Variants in SSX2IP observed in about 807,000 individuals in gnomAD.
SSX2IP encodes the protein SSX family member 2 interacting protein, also known as afadin- and alpha-actinin-binding protein.
Under a neutral mutation model 84.9 loss-of-function variants are expected in SSX2IP, and 55 were observed. The observed-to-expected ratio is 0.65, with a 90% confidence interval of 0.52 to 0.81. The LOEUF is 0.81. Ranked by LOEUF, SSX2IP falls within the 30% of genes least tolerant of loss-of-function variation. SSX2IP has a pLI of 0.00. For missense variants in SSX2IP, 664 were observed against 705.2 expected (o/e 0.94, Z 0.66); for synonymous variants, 239 against 234.7 (o/e 1.02, Z -0.17).
At chr1:84,671,097 C>T in intron 2 of SSX2IP, 80 bp downstream of exon 2, 1 of 1,495,010 alleles carries the variant, frequency 6.7e-7, no homozygotes, top group Admixed American at 2.0e-5. Context: ...TCAACATCTG[C>T]AGTAATTATT....
intron 5 of SSX2IP, among the ~76,000 whole-genome samples, chr1:84,665,482 C>G (rs563731842): frequency 6.6e-6 from 1 of 152,124 alleles, no homozygotes; most frequent in Non-Finnish European, 1.5e-5. Context: ...ATAGTTATTA[C>G]ATGGTCAGGG....
chr1:84,648,264 C>T (rs1225565091), intron 13 of SSX2IP, among the ~76,000 whole-genome samples: 1 of 152,098 alleles, frequency 6.6e-6, no homozygotes, highest in Admixed American at 6.5e-5. Flanking sequence ...CACAGCTTCT[C>T]TATTAGTTAT....
Position 84,646,822 on chromosome 1 carries a change from T to C in SSX2IP, c.*611A>G, listed in dbSNP as rs919803308. ...CTTAAATGTAATGCATCAATGGTCC[T>C]AATACATCTGTAAACAGAATACCAC... On this transcript the variant is annotated 3_prime_UTR_variant, in exon 14 of 14. Coordinates refer to ENST00000342203, the MANE Select transcript of SSX2IP (RefSeq NM_001166293.2). The C allele has an allele frequency of 2.0e-5, 3 of 152,590 alleles. No individual in the cohort carries two copies. The highest frequency in any genetic ancestry group is 7.2e-5 in the African/African-American group (3 of 41,462). The allele number at this position is 152,590 out of a possible 1,614,324, so 9.5% of individuals were successfully genotyped here.
chr1:84,689,189 G>A (rs1271191569), intron 1 of SSX2IP, among the ~76,000 whole-genome samples: 1 of 152,092 alleles, frequency 6.6e-6, no homozygotes, highest in African/African-American at 2.4e-5. Flanking sequence ...ATAGCTTGAC[G>A]TGAACTTTAA....
Position 84,683,269 on chromosome 1 carries a change from C to T in SSX2IP, c.-90+7102G>A, listed in dbSNP as rs1349321963. 2.1e-4 allele frequency among the ~76,000 whole-genome samples: 32 copies of T among 151,762 alleles called. 2 individuals carry two copies. The highest frequency in any genetic ancestry group is 2.1e-3 in the Admixed American group (32 of 15,230). ...TTAGTTATTTGTCCTAATGCTCTTC[C>T]TCCCCTCAAGCTGCTTTTTCAAACC... On this transcript the variant is annotated intron_variant, in intron 1 of 13. Coordinates refer to ENST00000342203, the MANE Select transcript of SSX2IP (RefSeq NM_001166293.2).
chr1:84,680,557 G>T (rs1654936080), intron 1 of SSX2IP, among the ~76,000 whole-genome samples: 1 of 152,020 alleles, frequency 6.6e-6, no homozygotes, highest in Non-Finnish European at 1.5e-5. Flanking sequence ...GCTATTATTA[G>T]CTATTTTACT....
intron 13 of SSX2IP, chr1:84,649,995 T>C (rs750675347): frequency 1.6e-6 from 1 of 619,626 alleles, no homozygotes; most frequent in Admixed American, 1.9e-5. Flanking sequence ...TGTTAAGATA[T>C]GTACTCTACA....
chr1:84,656,626 T>C (rs1162641167), intron 9 of SSX2IP, 142 bp from the exon 10 acceptor site: 1 of 600,028 alleles, frequency 1.7e-6, no homozygotes, highest in Non-Finnish European at 2.5e-6. Flanking sequence ...AGTTACGTCC[T>C]TTGACTTTTT....
rs1654069778 is a variant in SSX2IP at position 84,674,676 on chromosome 1, A to T, written c.-89-3368T>A. Among the ~76,000 whole-genome samples the T allele has an allele frequency of 2.6e-5, 4 of 152,190 alleles. No homozygotes were observed. The South Asian group carries it at 8.3e-4, about 32-fold the overall frequency. On this transcript the variant is annotated intron_variant, in intron 1 of 13. Coordinates refer to ENST00000342203, the MANE Select transcript of SSX2IP (RefSeq NM_001166293.2). ...GCGAATTTGGCTCTCCTGTCTATAG[A>T]TTAGACAGTGAATTGTTCCCTGCCC...
chr1:84,651,266 C>A (rs570094173), intron 12 of SSX2IP, among the ~76,000 whole-genome samples: 1 of 151,764 alleles, frequency 6.6e-6, no homozygotes, highest in Non-Finnish European at 1.5e-5. Flanking sequence ...TGCAGAGAGC[C>A]GAGATGCACT....
At chr1:84,666,983 A>G (rs913957708) in intron 4 of SSX2IP, among the ~76,000 whole-genome samples, 3 of 152,168 alleles carry the variant, frequency 2.0e-5, no homozygotes, top group Non-Finnish European at 4.4e-5. Context: ...TTTCTGTAAG[A>G]ACAGATCTCA....
At chr1:84,677,656 GGTT>G (rs372198313) in intron 1 of SSX2IP, among the ~76,000 whole-genome samples, 72 of 152,260 alleles carry the variant, frequency 4.7e-4, no homozygotes, top group African/African-American at 1.7e-3. Flanking sequence ...TTCCATTTAA[GGTT>G]GTTTTTTTAC....
At position 84,675,876 on chromosome 1, in the gene SSX2IP, C is replaced by G. The variant is rs375120488; in HGVS notation, c.-89-4568G>C. Among the ~76,000 whole-genome samples the G allele has an allele frequency of 8.5e-5, 13 of 152,272 alleles. No individual in the cohort carries two copies. The East Asian group carries it at 2.5e-3, about 29-fold the overall frequency. ...CCTGGGTCCTGGAAGCCCCTGCCCC[C>G]CTTTCCCTTCCACTTCAAGTTGTCC... On this transcript the variant is annotated intron_variant, in intron 1 of 13. Transcript: ENST00000342203.
At position 84,682,633 on chromosome 1, in the gene SSX2IP, T is replaced by C. The variant is rs896860887; in HGVS notation, c.-90+7738A>G. 2.6e-5 allele frequency among the ~76,000 whole-genome samples: 4 copies of C among 151,706 alleles called. No individual in the cohort carries two copies. The East Asian group carries it at 7.8e-4, about 29-fold the overall frequency. ...AATTCTCCTGCCTTGACCTCCCGAG[T>C]AGCTGGGACTACAGGCGCATGCCAC... On this transcript the variant is annotated intron_variant, in intron 1 of 13. Coordinates refer to ENST00000342203, the MANE Select transcript of SSX2IP (RefSeq NM_001166293.2).
At chr1:84,670,923 G>A in intron 2 of SSX2IP, 108 bp from the exon 3 acceptor site, 1 of 828,722 alleles carries the variant, frequency 1.2e-6, no homozygotes, top group Non-Finnish European at 1.8e-6. Context: ...TATAAACATA[G>A]ATATAATATA....
At chr1:84,675,568 C>A (rs1212013647) in intron 1 of SSX2IP, among the ~76,000 whole-genome samples, 1 of 152,144 alleles carries the variant, frequency 6.6e-6, no homozygotes, top group Non-Finnish European at 1.5e-5. Flanking sequence ...AAGGTTTTTA[C>A]CCTAAAACAG....
In SSX2IP at chr1:84,669,667, T is replaced by G; in HGVS notation, c.426+14A>C. On this transcript the variant is annotated intron_variant, in intron 4 of 13. Coordinates refer to ENST00000342203, the MANE Select transcript of SSX2IP (RefSeq NM_001166293.2). ...TATAATTATGGCATTAAAATATGGATCTGCAATTTCTACCTTAAGTTTTGA... is the reference window on the plus strand; with the variant it reads ...TATAATTATGGCATTAAAATATGGAGCTGCAATTTCTACCTTAAGTTTTGA... 1 of 1,597,900 alleles carries G rather than the reference T, an allele frequency of 6.3e-7. No individual in the cohort carries two copies. The highest frequency in any genetic ancestry group is 8.6e-7 in the Non-Finnish European group (1 of 1,165,892).
intron 9 of SSX2IP, among the ~76,000 whole-genome samples, chr1:84,657,981 C>A (rs1369039839): frequency 6.6e-6 from 1 of 151,770 alleles, no homozygotes; most frequent in Non-Finnish European, 1.5e-5. Flanking sequence ...TAAAAACACA[C>A]CAAAAAATTA....
chr1:84,662,485 C>A lies in SSX2IP; in HGVS notation c.719G>T (p.Gly240Val), dbSNP rs1239658860. Reference sequence around the variant, plus strand: ...TTCAGTTTTACCAGTCCTCCAGGAGCCTCTTTTTCCATCAGCTCTCCCGAC... The same window carrying A: ...TTCAGTTTTACCAGTCCTCCAGGAGACTCTTTTTCCATCAGCTCTCCCGAC... ...NYVGRADGKR[G>V]SWRTGKTEAR... is the part of the protein sequence containing the mutation. Residue 240 changes from glycine (G) to valine (V), a missense_variant, in exon 7 of 14, where the codon GGC (glycine) becomes GTC (valine). By Grantham distance (109) the Gly-to-Val change is moderately radical. Coordinates refer to ENST00000342203, the MANE Select transcript of SSX2IP (RefSeq NM_001166293.2). 2 of 1,614,000 alleles carry A rather than the reference C, an allele frequency of 1.2e-6. No individual in the cohort carries two copies. The highest frequency in any genetic ancestry group is 1.7e-6 in the Non-Finnish European group (2 of 1,179,912).
Sources: allele counts gnomAD v4.1 joint callset (sites outside exome capture counted in the v4.1 genomes callset), GRCh38; gene constraint gnomAD v4.1.1; transcripts MANE v1.5; gene names NCBI Gene and HGNC (gene_info 2026-07-23, HGNC 2026-07-21).